Variants in SOX6 observed in about 807,000 individuals in gnomAD.
SOX6 encodes transcription factor SOX-6.
In SOX6, 11 loss-of-function variants were observed where a neutral mutation model predicts 97.8. That is an observed-to-expected ratio of 0.11 (90% CI 0.07 to 0.19). The LOEUF (loss-of-function observed/expected upper bound fraction) is 0.19, where lower values mean the gene tolerates loss of function less well. Ranked by LOEUF, SOX6 falls within the 10% of genes least tolerant of loss-of-function variation. The pLI, the probability that SOX6 is intolerant of heterozygous loss-of-function variation, is 1.00. For missense variants in SOX6, 810 were observed against 1,039.5 expected (o/e 0.78, Z 3.04); for synonymous variants, 360 against 371.4 (o/e 0.97, Z 0.35).
intron 1 of SOX6, among the ~76,000 whole-genome samples, chr11:16,419,423 A>T (rs1858986143): frequency 6.6e-6 from 1 of 152,134 alleles, no homozygotes; most frequent in African/African-American, 2.4e-5. Flanking sequence ...GCAGTATTTT[A>T]TTACAATTAA....
At chr11:16,323,507 T>C (rs984925016) in intron 2 of SOX6, among the ~76,000 whole-genome samples, 1 of 152,082 alleles carries the variant, frequency 6.6e-6, no homozygotes, top group Non-Finnish European at 1.5e-5. Context: ...ATTACTCAAA[T>C]CTTTGGGCAT....
chr11:16,457,740 T>A (rs144650440), intron 1 of SOX6, among the ~76,000 whole-genome samples: 65 of 152,150 alleles, frequency 4.3e-4, no homozygotes, highest in African/African-American at 1.4e-3. Flanking sequence ...AGTTTATCCA[T>A]CCCCACCGCT....
chr11:16,324,032 A>G (rs1008390882), intron 2 of SOX6, among the ~76,000 whole-genome samples: 1 of 151,984 alleles, frequency 6.6e-6, no homozygotes, highest in Non-Finnish European at 1.5e-5. Context: ...ATAATAAAAA[A>G]AATTAGCTGA....
chr11:16,538,642 A>G (rs1200105339), intron 4 of SOX6, among the ~76,000 whole-genome samples: 1 of 152,114 alleles, frequency 6.6e-6, no homozygotes, highest in African/African-American at 2.4e-5. Context: ...TACAAAGCAA[A>G]TGGAAAACAA....
chr11:16,577,244 T>A (rs1847992802), intron 4 of SOX6: 1 of 152,228 alleles, frequency 6.6e-6, no homozygotes, highest in Non-Finnish European at 1.5e-5. Flanking sequence ...TTATTTCATT[T>A]ATTAAATTAG....
At chr11:16,454,235 G>GA (rs1257656896) in intron 1 of SOX6, among the ~76,000 whole-genome samples, 3 of 152,062 alleles carry the variant, frequency 2.0e-5, no homozygotes, top group East Asian at 1.9e-4. Context: ...CAGCTGTTCA[G>GA]AAAAAAATTA....
chr11:16,258,924 A>G (rs1853785811), intron 3 of SOX6, among the ~76,000 whole-genome samples: 1 of 151,708 alleles, frequency 6.6e-6, no homozygotes, highest in Non-Finnish European at 1.5e-5. Flanking sequence ...ACATACATAT[A>G]TGTATGTATA....
chr11:16,165,668 C>T (rs906188852), intron 6 of SOX6, among the ~76,000 whole-genome samples: 1 of 151,982 alleles, frequency 6.6e-6, no homozygotes, highest in Non-Finnish European at 1.5e-5. Context: ...GAGGCCAAGG[C>T]GGGCAGATCA....
intron 3 of SOX6, among the ~76,000 whole-genome samples, chr11:16,261,319 G>A (rs1458000389): frequency 6.6e-6 from 1 of 152,036 alleles, no homozygotes; most frequent in Non-Finnish European, 1.5e-5. Context: ...AAATCTTACT[G>A]GATCCTTAGA....
intron 3 of SOX6, among the ~76,000 whole-genome samples, chr11:16,243,324 T>C (rs148846193): frequency 6.1e-4 from 93 of 152,094 alleles, no homozygotes; most frequent in African/African-American, 2.2e-3. Flanking sequence ...ATCAAGTTTA[T>C]ACCACAATAC....
intron 3 of SOX6, among the ~76,000 whole-genome samples, chr11:16,246,118 T>A (rs1219812498): frequency 6.6e-6 from 1 of 151,442 alleles, no homozygotes; most frequent in African/African-American, 2.4e-5. Context: ...TATGCATCTT[T>A]AACTTACAAC....
chr11:16,522,419 G>C (rs11023977), intron 4 of SOX6, among the ~76,000 whole-genome samples: 6,255 of 151,982 alleles, frequency 0.041, 352 homozygotes, highest in Admixed American at 0.17. Flanking sequence ...CCTTTACAGA[G>C]AAGCAAATGC....
chr11:16,484,070 A>C, intron 4 of SOX6: 1 of 773,458 alleles, frequency 1.3e-6, no homozygotes, highest in Non-Finnish European at 2.4e-6. Flanking sequence ...CAGTCACCAC[A>C]ATGCCTTTGG....
intron 13 of SOX6, among the ~76,000 whole-genome samples, chr11:15,997,387 T>C (rs145257550): frequency 3.5e-4 from 53 of 152,362 alleles, no homozygotes; most frequent in Non-Finnish European, 7.1e-4. Context: ...TGAGGCAGCA[T>C]ACCTTGACAG....
intron 3 of SOX6, among the ~76,000 whole-genome samples, chr11:16,304,645 A>G (rs1390186799): frequency 1.3e-5 from 2 of 152,190 alleles, no homozygotes; most frequent in Admixed American, 6.5e-5. Context: ...GTTCATTGCT[A>G]TTGTATAGAA....
intron 3 of SOX6, among the ~76,000 whole-genome samples, chr11:16,270,400 C>T (rs538397634): frequency 2.6e-4 from 40 of 151,252 alleles, no homozygotes; most frequent in Admixed American, 9.2e-4. Context: ...GCGGGGGAGG[C>T]GAGGAATAAA....
At chr11:16,153,051 G>C (rs976128461) in intron 6 of SOX6, among the ~76,000 whole-genome samples, 1 of 152,130 alleles carries the variant, frequency 6.6e-6, no homozygotes, top group Non-Finnish European at 1.5e-5. Context: ...ATTTTTAGTA[G>C]AGACAAGGTT....
At chr11:16,047,964 C>T (rs1211197899) in intron 11 of SOX6, among the ~76,000 whole-genome samples, 4 of 151,944 alleles carry the variant, frequency 2.6e-5, no homozygotes, top group South Asian at 2.1e-4. Context: ...ATCACCTGGA[C>T]GAGAGTGCTG....
intron 3 of SOX6, among the ~76,000 whole-genome samples, chr11:16,619,093 CA>C (rs1848507013): frequency 6.6e-6 from 1 of 151,930 alleles, no homozygotes; most frequent in Admixed American, 6.6e-5. Context: ...ACTACTACAT[CA>C]CCATTGTGAG....
Sources: allele counts gnomAD v4.1 joint callset (sites outside exome capture counted in the v4.1 genomes callset), GRCh38; gene constraint gnomAD v4.1.1; transcripts MANE v1.5; gene names NCBI Gene and HGNC (gene_info 2026-07-23, HGNC 2026-07-21).